The following UXS1 variants were observed in gnomAD, a reference collection of about 807,000 sequenced individuals.
UXS1 encodes UDP-glucuronic acid decarboxylase 1.
Under a neutral mutation model 62.6 loss-of-function variants are expected in UXS1, and 33 were observed. The observed-to-expected ratio is 0.53, with a 90% confidence interval of 0.40 to 0.70. The LOEUF (loss-of-function observed/expected upper bound fraction) is 0.70, where lower values mean the gene tolerates loss of function less well. Ranked by LOEUF, UXS1 falls within the 30% of genes least tolerant of loss-of-function variation. The pLI is 0.00. For missense variants in UXS1, 434 were observed against 556.3 expected (o/e 0.78, Z 2.21); for synonymous variants, 213 against 206.8 (o/e 1.03, Z -0.26).
chr2:106,181,673 G>A (rs375392178), intron 1 of UXS1, among the ~76,000 whole-genome samples: 17 of 152,090 alleles, frequency 1.1e-4, no homozygotes, highest in South Asian at 1.0e-3. Context: ...CCAATCTGGC[G>A]CCACTGCACT....
intron 1 of UXS1, among the ~76,000 whole-genome samples, chr2:106,186,455 T>TAC (rs146886217): frequency 0.022 from 3,123 of 141,286 alleles, 43 homozygotes; most frequent in Admixed American, 0.054. Flanking sequence ...TATATATATA[T>TAC]ATACACACAC....
intron 9 of UXS1, among the ~76,000 whole-genome samples, chr2:106,118,781 T>C (rs200562848): frequency 3.3e-5 from 5 of 152,148 alleles, no homozygotes; most frequent in African/African-American, 7.2e-5. Flanking sequence ...AATTTTTCTA[T>C]AAAAAAATTA....
chr2:106,129,244 C>T (rs559950564), intron 7 of UXS1, among the ~76,000 whole-genome samples: 2 of 152,300 alleles, frequency 1.3e-5, no homozygotes, highest in South Asian at 4.1e-4. Context: ...ACTGAATCAC[C>T]CCCGTGTGTA....
intron 1 of UXS1, among the ~76,000 whole-genome samples, chr2:106,177,417 A>G (rs1683957887): frequency 6.6e-6 from 1 of 152,188 alleles, no homozygotes; most frequent in South Asian, 2.1e-4. Flanking sequence ...GCTGGTCTTG[A>G]ATTCCAGACC....
chr2:106,104,947 C>T (rs1179951895), intron 10 of UXS1, 110 bp from the exon 11 acceptor site: 1 of 1,321,314 alleles, frequency 7.6e-7, no homozygotes, highest in Admixed American at 1.7e-5. Context: ...TCCCAGGGGG[C>T]AGTGATGCTG....
chr2:106,150,760 G>A (rs10192305), intron 5 of UXS1, among the ~76,000 whole-genome samples: 148,420 of 152,288 alleles, frequency 0.97, 72,418 homozygotes, highest in South Asian at 1. Flanking sequence ...CAAAGACTCC[G>A]GAACTGTAAA....
At chr2:106,181,954 C>T (rs971882016) in intron 1 of UXS1, among the ~76,000 whole-genome samples, 3 of 152,074 alleles carry the variant, frequency 2.0e-5, no homozygotes, top group Admixed American at 2.0e-4. Context: ...ATGCAAAAGG[C>T]AAAGGAGAAA....
chr2:106,122,837 T>A (rs1679627592), intron 9 of UXS1, 133 bp downstream of exon 9: 2 of 1,187,396 alleles, frequency 1.7e-6, no homozygotes, highest in Non-Finnish European at 1.2e-6. Flanking sequence ...TTTATAATAC[T>A]GGGAAACTGA....
At chr2:106,182,737 C>T (rs944466602) in intron 1 of UXS1, among the ~76,000 whole-genome samples, 3 of 150,628 alleles carry the variant, frequency 2.0e-5, no homozygotes, top group Admixed American at 6.6e-5. Context: ...AACATCTCCC[C>T]TCTTCACGCC....
intron 5 of UXS1, among the ~76,000 whole-genome samples, chr2:106,148,659 A>G (rs1474078218): frequency 6.6e-6 from 1 of 152,208 alleles, no homozygotes; most frequent in African/African-American, 2.4e-5. Flanking sequence ...CTTAAGATTT[A>G]TATAATATAG....
At chr2:106,168,647 T>C (rs1176863149) in intron 1 of UXS1, among the ~76,000 whole-genome samples, 1 of 152,134 alleles carries the variant, frequency 6.6e-6, no homozygotes, top group East Asian at 1.9e-4. Context: ...TCAGTAAACA[T>C]ACAGGAAAAG....
At chr2:106,106,396 C>A (rs1678074610) in intron 10 of UXS1, among the ~76,000 whole-genome samples, 2 of 148,294 alleles carry the variant, frequency 1.3e-5, no homozygotes, top group Non-Finnish European at 3.0e-5. Context: ...ATGCATCAAA[C>A]CCCCTGAAAG....
chr2:106,095,150 C>T (rs190367724), intron 14 of UXS1, among the ~76,000 whole-genome samples: 1 of 152,260 alleles, frequency 6.6e-6, no homozygotes, highest in East Asian at 1.9e-4. Flanking sequence ...ACTGAGCATA[C>T]ACACACCTCA....
intron 12 of UXS1, among the ~76,000 whole-genome samples, chr2:106,100,097 G>A (rs1029127182): frequency 2.0e-5 from 3 of 152,204 alleles, no homozygotes; most frequent in Non-Finnish European, 2.9e-5. Context: ...GAGGTAATTT[G>A]GGAGAAGCAC....
chr2:106,099,833 T>C (rs1342033919), intron 12 of UXS1, among the ~76,000 whole-genome samples: 1 of 152,164 alleles, frequency 6.6e-6, no homozygotes, highest in Admixed American at 6.6e-5. Flanking sequence ...TTAAGTGAAT[T>C]TTTTTCAAAA....
chr2:106,184,877 T>G (rs943739210), intron 1 of UXS1, among the ~76,000 whole-genome samples: 1 of 152,132 alleles, frequency 6.6e-6, no homozygotes, highest in Non-Finnish European at 1.5e-5. Flanking sequence ...TCAGGAGACA[T>G]GCACACCACA....
intron 1 of UXS1, among the ~76,000 whole-genome samples, chr2:106,170,860 G>C (rs1409902685): frequency 6.6e-6 from 1 of 152,240 alleles, no homozygotes; most frequent in African/African-American, 2.4e-5. Flanking sequence ...CAACCTGCTT[G>C]AGTTATTTTG....
chr2:106,173,697 C>T lies in UXS1; in HGVS notation c.95-7614G>A, dbSNP rs367693261. Among the ~76,000 whole-genome samples, 6 of 152,248 alleles carry T rather than the reference C, an allele frequency of 3.9e-5. No individual in the cohort carries two copies. In the East Asian group the frequency reaches 5.8e-4, roughly 15 times the overall value. On this transcript the variant is annotated intron_variant, in intron 1 of 14. Transcript: ENST00000283148. The stretch of plus-strand genomic sequence containing the variant: ...CTGAAGATAATTTGTAAAAGCATGG[C>T]TGTGCTCCCACACAACTTTATTGAA...
At chr2:106,174,799 C>A (rs577059975) in intron 1 of UXS1, among the ~76,000 whole-genome samples, 3 of 152,294 alleles carry the variant, frequency 2.0e-5, no homozygotes, top group African/African-American at 7.2e-5. Context: ...CATCCCACAG[C>A]GGAAGACAGG....
Sources: allele counts gnomAD v4.1 joint callset (sites outside exome capture counted in the v4.1 genomes callset), GRCh38; gene constraint gnomAD v4.1.1; transcripts MANE v1.5; gene names NCBI Gene and HGNC (gene_info 2026-07-23, HGNC 2026-07-21).